The following KIF26B variants were observed in gnomAD, a reference collection of about 807,000 sequenced individuals.
The protein encoded by KIF26B is kinesin-like protein KIF26B.
KIF26B carries 63 observed loss-of-function variants against 151.2 expected under a neutral mutation model. The observed-to-expected ratio is 0.42, with a 90% confidence interval of 0.34 to 0.51. The LOEUF (loss-of-function observed/expected upper bound fraction) is 0.51. Among genes scored for constraint, KIF26B ranks in the 20% least tolerant of loss-of-function variants. The pLI is 0.07. For missense variants in KIF26B, 2,813 were observed against 2,913.6 expected (o/e 0.97, Z 0.79); for synonymous variants, 1,357 against 1,262.1 (o/e 1.08, Z -1.59).
At chr1:245,561,432 G>A (rs1302605462) in intron 5 of KIF26B, among the ~76,000 whole-genome samples, 1 of 152,150 alleles carries the variant, frequency 6.6e-6, no homozygotes, top group African/African-American at 2.4e-5. Context: ...AAGGGGCCAG[G>A]TTGGGTCACT....
intron 11 of KIF26B, 112 bp downstream of exon 11, chr1:245,684,507 G>A: frequency 8.7e-7 from 1 of 1,152,172 alleles, no homozygotes; most frequent in Non-Finnish European, 1.2e-6. Flanking sequence ...AGCATCAGGA[G>A]ATGTGACTTG....
chr1:245,542,389 G>A (rs1347714234), intron 5 of KIF26B, among the ~76,000 whole-genome samples: 2 of 152,258 alleles, frequency 1.3e-5, no homozygotes, highest in Admixed American at 6.5e-5. Context: ...CCTCCTCTGA[G>A]GGGAAGCATC....
intron 4 of KIF26B, among the ~76,000 whole-genome samples, chr1:245,424,125 T>G (rs1203601668): frequency 6.6e-6 from 1 of 152,128 alleles, no homozygotes; most frequent in African/African-American, 2.4e-5. Flanking sequence ...ATTATAGTCA[T>G]GAGCCACTGC....
At chr1:245,258,300 A>C (rs888754588) in intron 2 of KIF26B, among the ~76,000 whole-genome samples, 4 of 152,228 alleles carry the variant, frequency 2.6e-5, no homozygotes, top group Non-Finnish European at 5.9e-5. Context: ...CAGGTCTGAC[A>C]CAGAAGAGAC....
chr1:245,453,543 G>A (rs1017586699), intron 4 of KIF26B, among the ~76,000 whole-genome samples: 3 of 152,156 alleles, frequency 2.0e-5, no homozygotes, highest in South Asian at 2.1e-4. Context: ...GTGTGTTTCT[G>A]TCTATGTCTT....
chr1:245,223,694 C>T (rs920341868), intron 2 of KIF26B, among the ~76,000 whole-genome samples: 5 of 151,726 alleles, frequency 3.3e-5, no homozygotes, highest in Admixed American at 6.5e-5. Flanking sequence ...CAAGTGTGTT[C>T]TGCAGACCTC....
intron 2 of KIF26B, among the ~76,000 whole-genome samples, chr1:245,333,772 C>T (rs563476306): frequency 1.4e-4 from 21 of 152,222 alleles, no homozygotes; most frequent in South Asian, 4.1e-4. Context: ...CCGATGCCAG[C>T]GGATCACTTG....
chr1:245,688,843 G>A (rs1198506277), intron 12 of KIF26B, 36 bp downstream of exon 12: 7 of 1,529,112 alleles, frequency 4.6e-6, no homozygotes, highest in South Asian at 2.6e-5. Context: ...GGTGAGGAGG[G>A]CGGCAGGTGG....
chr1:245,487,843 C>T (rs1253519908), intron 4 of KIF26B, among the ~76,000 whole-genome samples: 1 of 150,608 alleles, frequency 6.6e-6, no homozygotes, highest in African/African-American at 2.4e-5. Context: ...GGCTGGAGTA[C>T]AGTGGCGCGA....
chr1:245,533,469 C>A (rs1661419612), intron 4 of KIF26B, among the ~76,000 whole-genome samples: 1 of 152,082 alleles, frequency 6.6e-6, no homozygotes, highest in African/African-American at 2.4e-5. Context: ...ACTTGAGCAC[C>A]CCTCAGACAA....
intron 2 of KIF26B, among the ~76,000 whole-genome samples, chr1:245,364,340 CAG>C (rs1249088873): frequency 6.6e-6 from 1 of 151,316 alleles, no homozygotes; most frequent in Admixed American, 6.6e-5. Flanking sequence ...GTCCCTAGGT[CAG>C]AGTCAAATCC....
intron 2 of KIF26B, among the ~76,000 whole-genome samples, chr1:245,230,013 A>G (rs1213997145): frequency 1.3e-5 from 2 of 152,110 alleles, no homozygotes; most frequent in African/African-American, 4.8e-5. Context: ...CATGCCTGTA[A>G]TCCCAGCTAC....
Position 245,572,724 on chromosome 1 carries a change from T to A in KIF26B, c.1351-29853T>A, listed in dbSNP as rs1300577395. Among the ~76,000 whole-genome samples, 1 of 152,230 alleles carries A rather than the reference T, an allele frequency of 6.6e-6. No homozygotes were observed. The highest frequency in any genetic ancestry group is 1.5e-5 in the Non-Finnish European group (1 of 68,034). On this transcript the variant is annotated intron_variant, in intron 5 of 14. Coordinates refer to ENST00000407071, the MANE Select transcript of KIF26B (RefSeq NM_018012.4). This position sits in a 1 kb window ranked among gnomAD's most constrained non-coding sequence, Gnocchi z 4.2. Reference sequence around the variant, plus strand: ...CATTCTAATGCCCACATTTACTTCATAATGTATTACCTACGTATAGTGTAT... The same window carrying A: ...CATTCTAATGCCCACATTTACTTCAAAATGTATTACCTACGTATAGTGTAT...
intron 5 of KIF26B, among the ~76,000 whole-genome samples, chr1:245,558,674 A>G (rs1043211340): frequency 7.2e-5 from 11 of 152,236 alleles, no homozygotes; most frequent in African/African-American, 2.4e-4. Context: ...TTGCGGGGAC[A>G]GGGCATCCTG....
chr1:245,642,703 G>A (rs2043906368), intron 9 of KIF26B, among the ~76,000 whole-genome samples: 1 of 152,224 alleles, frequency 6.6e-6, no homozygotes, highest in East Asian at 1.9e-4. Context: ...AGCAGAATCT[G>A]GGCCCTCATA....
At chr1:245,451,038 T>G (rs1659378709) in intron 4 of KIF26B, among the ~76,000 whole-genome samples, 1 of 144,910 alleles carries the variant, frequency 6.9e-6, no homozygotes, top group South Asian at 2.1e-4. Flanking sequence ...AAACTTTGAC[T>G]TTTGTTTTTT....
intron 5 of KIF26B, among the ~76,000 whole-genome samples, chr1:245,552,028 GCACTACACGGT>G (rs940311821): frequency 2.4e-4 from 34 of 142,184 alleles, no homozygotes; most frequent in African/African-American, 8.6e-4. Flanking sequence ...TGAATCCAGA[GCACTACACGGT>G]GCCCAACTGT....
chr1:245,412,501 C>G (rs552004650), intron 3 of KIF26B, among the ~76,000 whole-genome samples: 23 of 152,236 alleles, frequency 1.5e-4, no homozygotes, highest in African/African-American at 5.3e-4. Context: ...TTAAGATGAA[C>G]GCCCATGCTG....
At chr1:245,348,668 T>C (rs915265328) in intron 2 of KIF26B, among the ~76,000 whole-genome samples, 1 of 152,184 alleles carries the variant, frequency 6.6e-6, no homozygotes, top group African/African-American at 2.4e-5. Flanking sequence ...TGTTGGGGAC[T>C]AGGTTTCAAT....
Sources: gnomAD v4.1 joint callset for allele counts (sites outside exome capture counted in the v4.1 genomes callset) on GRCh38, gnomAD v4.1.1 for gene constraint, Gnocchi (gnomAD v3.1) non-coding constraint, MANE v1.5 for transcripts, NCBI Gene and HGNC (gene_info 2026-07-23, HGNC 2026-07-21) for gene names.